Variants in OR8B8 observed in about 807,000 individuals in gnomAD.
OR8B8 encodes the protein olfactory receptor family 8 subfamily B member 8.
Under a neutral mutation model 10.5 loss-of-function variants are expected in OR8B8, and 8 were observed. The observed-to-expected ratio is 0.76, with a 90% CI of 0.45 to 1.38. OR8B8 has a LOEUF of 1.38. Among genes scored for constraint, OR8B8 ranks in the 40% most tolerant of loss-of-function variants. The pLI is 0.00. For missense variants in OR8B8, 390 were observed against 380.5 expected, an observed-to-expected ratio of 1.03 and a Z score of -0.21; for synonymous variants, 150 against 145.2, an observed-to-expected ratio of 1.03 and a Z score of -0.24.
chr11:124,440,182 T>A lies in OR8B8; in HGVS notation c.904A>T (p.Lys302Ter). ...LRNKDVKVAL[K>*]KILNKNAFS is the part of the protein sequence containing the mutation. ...AATGCATTTTTGTTCAAGATTTTCTTTAGAGCAACTTTGACGTCCTTATTC... is the reference window on the plus strand; with the variant it reads ...AATGCATTTTTGTTCAAGATTTTCTATAGAGCAACTTTGACGTCCTTATTC... The change falls in exon 3 of 3, where the codon AAG (lysine) becomes TAG (stop). Residue 302 changes from lysine (K) to a stop codon, truncating the protein, a stop_gained. Transcript: ENST00000642064. LOFTEE classifies it high-confidence loss of function. 2 of 1,613,076 alleles carry A rather than the reference T, an allele frequency of 1.2e-6. No individual in the cohort carries two copies. The highest frequency in any genetic ancestry group is 1.7e-6 in the Non-Finnish European group (2 of 1,179,702).
At chr11:124,444,931 T>C (rs1178008030) in intron 1 of OR8B8, among the ~76,000 whole-genome samples, 1 of 152,202 alleles carries the variant, frequency 6.6e-6, no homozygotes, top group Admixed American at 6.5e-5. Context: ...CTTCAAACTT[T>C]AAGGCCTGTC....
intron 1 of OR8B8, among the ~76,000 whole-genome samples, chr11:124,442,313 C>T (rs1861482557): frequency 6.6e-6 from 1 of 152,126 alleles, no homozygotes; most frequent in African/African-American, 2.4e-5. Context: ...GTATGTAAAG[C>T]CCAGTTCTTG....
chr11:124,440,949 A>G lies in OR8B8; in HGVS notation c.137T>C (p.Ile46Thr), dbSNP rs773799684. ...GTGAGAGTTGAGCCTTATCAGGGTT[A>G]TCAAGCCCAGGTTCCCCACCACAGT... ...VVTVVGNLGL[I>T]TLIRLNSHLH... The change falls in exon 3 of 3, where the codon ATA (isoleucine) becomes ACA (threonine). Residue 46 changes from isoleucine to threonine, a missense_variant. Transcript: ENST00000642064. 4.3e-6 allele frequency: 7 copies of G among 1,614,008 alleles called. No homozygotes were observed. The South Asian group carries it at 6.6e-5, about 15-fold the overall frequency.
Sources: allele counts gnomAD v4.1 joint callset (sites outside exome capture counted in the v4.1 genomes callset), GRCh38; gene constraint gnomAD v4.1.1; transcripts MANE v1.5; gene names NCBI Gene and HGNC (gene_info 2026-07-23, HGNC 2026-07-21).